SPMAP2: variants seen among roughly 807,000 people sequenced by gnomAD.
The protein encoded by SPMAP2 is Theg homolog.
At chr19:372,549 A>C in the SPMAP2 span, 2 of 1,448,064 alleles carry the variant, frequency 1.4e-6, no homozygotes, top group Non-Finnish European at 1.9e-6. Flanking sequence ...ACCCTTTCCC[A>C]CACAGCATCC....
At chr19:370,597 G>A in the SPMAP2 span, among the ~76,000 whole-genome samples, 7 of 150,984 alleles carry the variant, frequency 4.6e-5, no homozygotes, top group Admixed American at 6.6e-5. Flanking sequence ...TGATCCACCC[G>A]CCTCAGCCTT....
chr19:364,617 G>A, the SPMAP2 span, among the ~76,000 whole-genome samples: 5 of 152,150 alleles, frequency 3.3e-5, no homozygotes, highest in African/African-American at 1.2e-4. Context: ...AGGTGACCCT[G>A]GTTCACCCCC....
the SPMAP2 span, chr19:374,004 G>A: frequency 6.3e-5 from 102 of 1,613,348 alleles, no homozygotes; most frequent in East Asian, 6.0e-4. Context: ...TTACCACAGC[G>A]TCCCTTCCTG....
At chr19:364,201 G>C in the SPMAP2 span, among the ~76,000 whole-genome samples, 4,060 of 150,752 alleles carry the variant, frequency 0.027, 217 homozygotes, top group Admixed American at 0.13. Context: ...GCCGGGCGTG[G>C]TGGCGGCTGC....
At chr19:375,522 C>T in the SPMAP2 span, 194 of 936,526 alleles carry the variant, frequency 2.1e-4, 3 homozygotes, top group African/African-American at 2.3e-3. Flanking sequence ...TCGGCAGGGC[C>T]GGGCCCCTCG....
chr19:364,070 A>C, the SPMAP2 span, among the ~76,000 whole-genome samples: 2 of 151,550 alleles, frequency 1.3e-5, no homozygotes, highest in East Asian at 2.0e-4. Flanking sequence ...GCGGTGGCTC[A>C]TGCCTGTAAT....
the SPMAP2 span, chr19:374,528 C>CCT: frequency 8.3e-5 from 120 of 1,441,508 alleles, 1 homozygote; most frequent in African/African-American, 1.5e-3. Flanking sequence ...CTGCACTCAC[C>CCT]CTGCCCACCC....
At chr19:373,935 C>G in the SPMAP2 span, 1 of 1,613,084 alleles carries the variant, frequency 6.2e-7, no homozygotes. Flanking sequence ...CAGCCCTGGA[C>G]TTACCAGCAG....
the SPMAP2 span, chr19:374,516 G>C: frequency 1.3e-6 from 2 of 1,530,782 alleles, no homozygotes; most frequent in Non-Finnish European, 1.8e-6. Context: ...AGCGCCTTTT[G>C]TCTGCACTCA....
the SPMAP2 span, among the ~76,000 whole-genome samples, chr19:364,514 C>CT: frequency 6.7e-6 from 1 of 149,878 alleles, no homozygotes. Context: ...GACCCCATCT[C>CT]TAAAAAAAAA....
chr19:375,922 C>T, the SPMAP2 span: 15 of 1,485,950 alleles, frequency 1.0e-5, no homozygotes, highest in African/African-American at 2.1e-4. Context: ...CTGCCCGCAG[C>T]CTCAGAGCTG....
At chr19:364,052 G>C in the SPMAP2 span, among the ~76,000 whole-genome samples, 1 of 151,970 alleles carries the variant, frequency 6.6e-6, no homozygotes, top group Non-Finnish European at 1.5e-5. Context: ...AAAATATTTC[G>C]GTTGGGCGCG....
At chr19:372,642 G>A in the SPMAP2 span, 1 of 1,614,042 alleles carries the variant, frequency 6.2e-7, no homozygotes, top group Non-Finnish European at 8.5e-7. Context: ...TGTTGTTGTT[G>A]TAATATTCCA....
At chr19:375,774 G>A in the SPMAP2 span, 9 of 1,610,182 alleles carry the variant, frequency 5.6e-6, no homozygotes, top group Middle Eastern at 1.7e-4. Flanking sequence ...CACCTCCTCG[G>A]GGGGAAGCTC....
the SPMAP2 span, among the ~76,000 whole-genome samples, chr19:374,993 G>C: frequency 3.3e-5 from 5 of 152,340 alleles, no homozygotes; most frequent in South Asian, 8.3e-4. Flanking sequence ...AGAGCCCCAT[G>C]AGGGCAGGGC....
the SPMAP2 span, among the ~76,000 whole-genome samples, chr19:372,903 G>T: frequency 6.6e-6 from 1 of 152,240 alleles, no homozygotes; most frequent in African/African-American, 2.4e-5. Context: ...GGGCTCAGAG[G>T]CTTGAAGGTC....
At chr19:368,138 T>G in the SPMAP2 span, among the ~76,000 whole-genome samples, 1 of 151,986 alleles carries the variant, frequency 6.6e-6, no homozygotes, top group East Asian at 1.9e-4. This position sits in a 1 kb window ranked among gnomAD's most constrained non-coding sequence, Gnocchi z 4.1. Context: ...TCATGTGAGC[T>G]CGAGACCAGC....
At chr19:373,394 C>T in the SPMAP2 span, 2 of 1,422,504 alleles carry the variant, frequency 1.4e-6, no homozygotes, top group Non-Finnish European at 2.0e-6. Flanking sequence ...CCAGAAGTAT[C>T]TAGATGGGGC....
chr19:373,616 TG>T, the SPMAP2 span: 1 of 1,234,816 alleles, frequency 8.1e-7, no homozygotes, highest in East Asian at 3.8e-5. Flanking sequence ...GCCAGGAGGG[TG>T]GCCGAGGTGG....
Sources: gnomAD v4.1 joint callset for allele counts (sites outside exome capture counted in the v4.1 genomes callset) on GRCh38, gnomAD v4.1.1 for gene constraint, Gnocchi (gnomAD v3.1) non-coding constraint, MANE v1.5 for transcripts, NCBI Gene and HGNC (gene_info 2026-07-23, HGNC 2026-07-21) for gene names.